IL22RA2: variants seen among roughly 807,000 people sequenced by gnomAD.
The protein encoded by IL22RA2 is interleukin-22 receptor subunit alpha-2.
Under a neutral mutation model 30.7 loss-of-function variants are expected in IL22RA2, and 39 were observed. The observed-to-expected ratio is 1.27, with a 90% CI of 0.98 to 1.66. The LOEUF (loss-of-function observed/expected upper bound fraction) is 1.66, where lower values mean the gene tolerates loss of function less well. Among genes scored for constraint, IL22RA2 ranks in the 40% most tolerant of loss-of-function variants. The pLI is 0.00. For missense variants in IL22RA2, 315 were observed against 312.7 expected (o/e 1.01, Z -0.05); for synonymous variants, 103 against 105.0 (o/e 0.98, Z 0.11).
chr6:137,161,648 T>A, intron 2 of IL22RA2, 41 bp downstream of exon 2: 1 of 1,539,458 alleles, frequency 6.5e-7, no homozygotes, highest in Middle Eastern at 1.7e-4. Flanking sequence ...TGGACTCAGA[T>A]GACAAAGCTA....
Position 137,144,550 on chromosome 6 carries a change from C to G in IL22RA2, c.*1074G>C, listed in dbSNP as rs1778134734. 1 of 152,318 alleles carries G rather than the reference C, an allele frequency of 6.6e-6. No homozygotes were observed. Among genetic ancestry groups the G allele is most frequent in the South Asian group, 2.1e-4 (1 of 4,832 alleles). 9.4% of individuals were successfully genotyped at this position (152,318 alleles called of 1,614,324 possible). On this transcript the variant is annotated 3_prime_UTR_variant, in exon 7 of 7. Coordinates refer to ENST00000296980, the MANE Select transcript of IL22RA2 (RefSeq NM_052962.3). ...AGCCTTAGGTCACCAGATTTCTACTCAGGAGAGGCAGTGAGCAGGAGGGGC... is the reference window on the plus strand; with the variant it reads ...AGCCTTAGGTCACCAGATTTCTACTGAGGAGAGGCAGTGAGCAGGAGGGGC...
chr6:137,158,515 G>T, intron 2 of IL22RA2, 33 bp from the exon 3 acceptor site: 1 of 1,611,436 alleles, frequency 6.2e-7, no homozygotes, highest in Non-Finnish European at 8.5e-7. Context: ...AACATTGAAC[G>T]TTGCTTGGAG....
At chr6:137,148,353 G>C (rs1778221562) in intron 5 of IL22RA2, among the ~76,000 whole-genome samples, 1 of 152,132 alleles carries the variant, frequency 6.6e-6, no homozygotes, top group East Asian at 1.9e-4. Flanking sequence ...TGAGATTACA[G>C]GTGCATGCCA....
chr6:137,148,544 A>G (rs1778225126), intron 5 of IL22RA2, among the ~76,000 whole-genome samples: 2 of 152,208 alleles, frequency 1.3e-5, no homozygotes, highest in Admixed American at 1.3e-4. Context: ...CCTTCAGGGC[A>G]GCTGGGGCAG....
chr6:137,156,369 G>A (rs147872107), intron 4 of IL22RA2, among the ~76,000 whole-genome samples: 72 of 152,224 alleles, frequency 4.7e-4, no homozygotes, highest in African/African-American at 1.7e-3. Context: ...ATCTATACTC[G>A]GTAATCTACA....
chr6:137,155,190 A>G, intron 4 of IL22RA2, 71 bp from the exon 5 acceptor site: 1 of 1,173,508 alleles, frequency 8.5e-7, no homozygotes, highest in East Asian at 2.6e-5. Context: ...TTTTCAGACT[A>G]ATAATTTTTT....
At chr6:137,172,586 G>C (rs959281816) in intron 1 of IL22RA2, among the ~76,000 whole-genome samples, 2 of 152,220 alleles carry the variant, frequency 1.3e-5, no homozygotes, top group Non-Finnish European at 2.9e-5. Flanking sequence ...GTCACTAGGG[G>C]ATCTCCGCTC....
intron 1 of IL22RA2, among the ~76,000 whole-genome samples, chr6:137,172,465 G>A (rs1778759792): frequency 6.6e-6 from 1 of 152,234 alleles, no homozygotes; most frequent in Admixed American, 6.5e-5. Context: ...CCTCAAGGTA[G>A]ATGAAAAGAT....
At chr6:137,169,292 C>G (rs1248595931) in intron 1 of IL22RA2, among the ~76,000 whole-genome samples, 2 of 152,146 alleles carry the variant, frequency 1.3e-5, no homozygotes, top group Non-Finnish European at 2.9e-5. Flanking sequence ...CACTTTAATC[C>G]CTTTTTGCAG....
In IL22RA2 at chr6:137,144,051, A is replaced by T. The variant is rs2114337393; in HGVS notation, c.*1573T>A. ...TCAGGCTTCAGGACTACTGAATTGC[A>T]TTCACTAAAATGCTATTTGAAATTT... On this transcript the variant is annotated 3_prime_UTR_variant, in exon 7 of 7. Coordinates refer to ENST00000296980, the MANE Select transcript of IL22RA2 (RefSeq NM_052962.3). 1 of 152,428 alleles carries T rather than the reference A, an allele frequency of 6.6e-6. No individual in the cohort carries two copies. Among genetic ancestry groups the T allele is most frequent in the East Asian group, 1.9e-4 (1 of 5,184 alleles). 9.4% of individuals were successfully genotyped at this position (152,428 alleles called of 1,614,324 possible).
chr6:137,171,975 G>A (rs890483300), intron 1 of IL22RA2, among the ~76,000 whole-genome samples: 18 of 152,198 alleles, frequency 1.2e-4, no homozygotes, highest in Admixed American at 5.2e-4. Context: ...CATGCAGCAC[G>A]TTTTATGTTC....
At chr6:137,146,718 C>G (rs1242493612) in intron 6 of IL22RA2, among the ~76,000 whole-genome samples, 1 of 152,166 alleles carries the variant, frequency 6.6e-6, no homozygotes, top group Non-Finnish European at 1.5e-5. Flanking sequence ...CAAGGCCAGG[C>G]CTGGTGGCTC....
At chr6:137,168,579 G>C (rs967490208) in intron 1 of IL22RA2, among the ~76,000 whole-genome samples, 1 of 152,192 alleles carries the variant, frequency 6.6e-6, no homozygotes, top group Non-Finnish European at 1.5e-5. Context: ...GTCCGAAAAA[G>C]AGTGCCCTGA....
chr6:137,154,097 C>T (rs1778348646), intron 5 of IL22RA2, among the ~76,000 whole-genome samples: 1 of 151,788 alleles, frequency 6.6e-6, no homozygotes, highest in African/African-American at 2.4e-5. Flanking sequence ...ATTTTAACAC[C>T]TATGTCTTAG....
At chr6:137,163,756 G>A (rs10457018) in intron 1 of IL22RA2, among the ~76,000 whole-genome samples, 22,235 of 152,184 alleles carry the variant, frequency 0.15, 1,730 homozygotes, top group Non-Finnish European at 0.17. Context: ...GACACCAGAC[G>A]TAAGTGGGGC....
intron 1 of IL22RA2, among the ~76,000 whole-genome samples, chr6:137,168,113 T>C (rs1013136225): frequency 2.6e-5 from 4 of 152,164 alleles, no homozygotes; most frequent in Admixed American, 2.0e-4. Context: ...CCTATGGTTA[T>C]AAAAGGGGAC....
At chr6:137,170,845 A>G (rs969676799) in intron 1 of IL22RA2, among the ~76,000 whole-genome samples, 1 of 152,184 alleles carries the variant, frequency 6.6e-6, no homozygotes, top group Non-Finnish European at 1.5e-5. Context: ...TATGACAAGT[A>G]TGTGTTCTCA....
At chr6:137,157,635 C>T (rs1778434140) in intron 3 of IL22RA2, among the ~76,000 whole-genome samples, 1 of 152,138 alleles carries the variant, frequency 6.6e-6, no homozygotes, top group Admixed American at 6.5e-5. Flanking sequence ...ACTGTAATAT[C>T]TCCTGTCTCA....
At chr6:137,155,170 G>A (rs1226100180) in intron 4 of IL22RA2, 51 bp from the exon 5 acceptor site, 2 of 1,359,118 alleles carry the variant, frequency 1.5e-6, no homozygotes. Flanking sequence ...CACTCAAGGA[G>A]TCTTCAGTAT....
Sources: allele counts gnomAD v4.1 joint callset (sites outside exome capture counted in the v4.1 genomes callset), GRCh38; gene constraint gnomAD v4.1.1; transcripts MANE v1.5; gene names NCBI Gene and HGNC (gene_info 2026-07-23, HGNC 2026-07-21).